The following AGBL4 variants were observed in gnomAD, a reference collection of about 807,000 sequenced individuals.
The protein encoded by AGBL4 is AGBL carboxypeptidase 4.
In AGBL4, 58 loss-of-function variants were observed where a neutral mutation model predicts 66.4. The ratio of observed to expected loss-of-function variants is 0.87; its 90% CI spans 0.71 to 1.09. The LOEUF is 1.09. AGBL4 is among the 50% of genes least tolerant of loss of function. The probability of loss-of-function intolerance (pLI) is 0.00; values close to 1 mark genes in which losing one functional copy is unlikely to be tolerated. For missense variants in AGBL4, 579 were observed against 631.0 expected, an observed-to-expected ratio of 0.92 and a Z score of 0.88; for synonymous variants, 234 against 222.9, an observed-to-expected ratio of 1.05 and a Z score of -0.44.
intron 6 of AGBL4, among the ~76,000 whole-genome samples, chr1:48,845,179 A>AG (rs1390970761): frequency 5.3e-5 from 8 of 151,158 alleles, no homozygotes; most frequent in African/African-American, 2.0e-4. Flanking sequence ...TCAAAAAATT[A>AG]GCTTTTTTTT....
chr1:49,335,058 C>A (rs1447948230), intron 3 of AGBL4, among the ~76,000 whole-genome samples: 4 of 152,210 alleles, frequency 2.6e-5, no homozygotes, highest in African/African-American at 9.7e-5. Flanking sequence ...GCCTGCTGGA[C>A]ATATACACTT....
intron 3 of AGBL4, among the ~76,000 whole-genome samples, chr1:49,349,441 C>T (rs1401941094): frequency 1.3e-5 from 2 of 152,158 alleles, no homozygotes; most frequent in Non-Finnish European, 2.9e-5. Flanking sequence ...CTCCTTCTCT[C>T]ATCTCCTTTT....
chr1:49,942,258 C>G (rs1471972367), intron 1 of AGBL4, among the ~76,000 whole-genome samples: 1 of 151,958 alleles, frequency 6.6e-6, no homozygotes, highest in Non-Finnish European at 1.5e-5. Context: ...AATGTCCATA[C>G]TAAACAAAGC....
At chr1:49,540,718 G>A (rs1409328044) in intron 3 of AGBL4, among the ~76,000 whole-genome samples, 1 of 152,056 alleles carries the variant, frequency 6.6e-6, no homozygotes, top group Admixed American at 6.6e-5. Context: ...AATATAGAAA[G>A]ATATTGAATC....
chr1:49,123,359 T>C (rs1289161252), intron 4 of AGBL4, among the ~76,000 whole-genome samples: 5 of 152,206 alleles, frequency 3.3e-5, no homozygotes, highest in Non-Finnish European at 7.3e-5. Context: ...CAGTTAATTG[T>C]CAGAAAGTCA....
rs192606624 is a variant in AGBL4, at chr1:49,452,824, C to G, written c.283-206960G>C. On this transcript the variant is annotated intron_variant, in intron 3 of 13. Coordinates refer to ENST00000371839, the MANE Select transcript of AGBL4 (RefSeq NM_032785.4). ...AGGAATTATCATTCATGCCTTCATT[C>G]CTTTCCCAAGAGTTTCCTGAGTGTC... is the stretch of plus-strand genomic sequence containing the variant. 2.3e-3 allele frequency among the ~76,000 whole-genome samples: 355 copies of G among 151,940 alleles called. 4 individuals carry two copies. The highest frequency in any genetic ancestry group is 2.9e-3 in the Admixed American group (44 of 15,238).
At chr1:49,966,652 T>C (rs2148353536) in intron 1 of AGBL4, among the ~76,000 whole-genome samples, 1 of 152,154 alleles carries the variant, frequency 6.6e-6, no homozygotes, top group South Asian at 2.1e-4. Context: ...TAGTATAAAA[T>C]GGGAGTGAGA....
chr1:49,587,095 A>T (rs1389457394), intron 3 of AGBL4, among the ~76,000 whole-genome samples: 2 of 152,014 alleles, frequency 1.3e-5, no homozygotes, highest in African/African-American at 4.8e-5. Context: ...AATACAAAAA[A>T]ATTAGACAGG....
intron 4 of AGBL4, among the ~76,000 whole-genome samples, chr1:49,172,313 C>A (rs940927418): frequency 6.6e-6 from 1 of 152,184 alleles, no homozygotes; most frequent in African/African-American, 2.4e-5. Flanking sequence ...ACATATAATT[C>A]TCCTTACAGT....
intron 6 of AGBL4, chr1:48,727,898 G>C (rs773234583): frequency 6.2e-7 from 1 of 1,603,668 alleles, no homozygotes; most frequent in African/African-American, 1.3e-5. Flanking sequence ...ATTGCAAATT[G>C]TATTTTGCTT....
At chr1:48,869,088 G>C (rs1648395085) in intron 5 of AGBL4, among the ~76,000 whole-genome samples, 1 of 152,084 alleles carries the variant, frequency 6.6e-6, no homozygotes, top group Non-Finnish European at 1.5e-5. Flanking sequence ...TCTACCCCTT[G>C]CTTCAATGAC....
At chr1:48,989,996 C>A (rs1456636242) in intron 5 of AGBL4, among the ~76,000 whole-genome samples, 1 of 152,128 alleles carries the variant, frequency 6.6e-6, no homozygotes, top group Non-Finnish European at 1.5e-5. Context: ...ACATTCCCAC[C>A]AACAGTGTTT....
intron 6 of AGBL4, among the ~76,000 whole-genome samples, chr1:48,804,572 G>A (rs1645880506): frequency 6.6e-6 from 1 of 152,116 alleles, no homozygotes; most frequent in Non-Finnish European, 1.5e-5. Flanking sequence ...ACAAATAAGA[G>A]GCAGCATCTG....
At position 48,534,024 on chromosome 1, in the gene AGBL4, T is replaced by A; in HGVS notation, c.*149A>T. On this transcript the variant is annotated 3_prime_UTR_variant, in exon 14 of 14. Transcript: ENST00000371839. ...TTCCATTGGAAAAAGGGAAAATCAG[T>A]GATGAAGTTTCTCATTGTATCCCTT... 7.8e-7 allele frequency: 1 copy of A among 1,275,806 alleles called. No individual in the cohort carries two copies. Among genetic ancestry groups the A allele is most frequent in the Non-Finnish European group, 1.1e-6 (1 of 905,848 alleles). The allele number at this position is 1,275,806 out of a possible 1,614,324, so 79.0% of individuals were successfully genotyped here. A position where few individuals can be genotyped will look rare whatever the true frequency, so the allele number is the denominator to read the frequency against.
At chr1:49,912,650 A>C (rs1557572384) in intron 1 of AGBL4, among the ~76,000 whole-genome samples, 1 of 152,180 alleles carries the variant, frequency 6.6e-6, no homozygotes, top group Admixed American at 6.5e-5. Context: ...CCTATATCCT[A>C]GACCATTATG....
intron 4 of AGBL4, among the ~76,000 whole-genome samples, chr1:49,064,214 C>T (rs549368768): frequency 7.0e-4 from 107 of 152,248 alleles, no homozygotes; most frequent in Non-Finnish European, 1.3e-3. Flanking sequence ...TTGTAGTGGA[C>T]GTTACTAAAT....
At chr1:49,584,341 C>T (rs967615279) in intron 3 of AGBL4, among the ~76,000 whole-genome samples, 4 of 152,120 alleles carry the variant, frequency 2.6e-5, no homozygotes, top group Admixed American at 1.3e-4. Flanking sequence ...GGATCTTAAA[C>T]GTCATCTGGT....
chr1:49,258,590 A>C (rs1378595340), intron 3 of AGBL4, among the ~76,000 whole-genome samples: 1 of 152,154 alleles, frequency 6.6e-6, no homozygotes. Context: ...ATGAAGTGAG[A>C]AGGGAAGTTT....
chr1:49,334,968 C>G (rs554508754), intron 3 of AGBL4, among the ~76,000 whole-genome samples: 70 of 152,272 alleles, frequency 4.6e-4, no homozygotes, highest in African/African-American at 1.2e-3. Context: ...CCAGCTCCAC[C>G]AATTTTTCTG....
Sources: allele counts gnomAD v4.1 joint callset (sites outside exome capture counted in the v4.1 genomes callset), GRCh38; gene constraint gnomAD v4.1.1; transcripts MANE v1.5; gene names NCBI Gene and HGNC (gene_info 2026-07-23, HGNC 2026-07-21).